The following GAN variants were observed in gnomAD, a reference collection of about 807,000 sequenced individuals.
GAN encodes the protein epididymis secretory sperm binding protein.
Under a neutral mutation model 71.3 loss-of-function variants are expected in GAN, and 48 were observed. The ratio of observed to expected loss-of-function variants is 0.67; its 90% CI spans 0.53 to 0.86. GAN has a LOEUF of 0.86. GAN is among the 40% of genes least tolerant of loss of function. The pLI is 0.00. For synonymous variants in GAN, 386 were observed against 276.8 expected, an observed-to-expected ratio of 1.39 and a Z score of -3.92; for missense variants, 928 against 770.1, an observed-to-expected ratio of 1.21 and a Z score of -2.43.
chr16:81,354,385 T>C lies in GAN; in HGVS notation c.283-20T>C, dbSNP rs371984923. On this transcript the variant is annotated intron_variant, in intron 2 of 10. Transcript: ENST00000648994. ...TAAATGTACACATTCAAATATAAGA[T>C]AATTATGCTACTTTTTTAGATCAGG... is the stretch of plus-strand genomic sequence containing the variant. 7.6e-4 allele frequency: 1,130 copies of C among 1,488,362 alleles called. No homozygotes were observed. Among genetic ancestry groups the C allele is most frequent in the Non-Finnish European group, 8.0e-4 (847 of 1,065,316 alleles). The allele number at this position is 1,488,362 out of a possible 1,614,324, so 92.2% of individuals were successfully genotyped here. A position where few individuals can be genotyped will look rare whatever the true frequency, so the allele number is the denominator to read the frequency against.
chr16:81,316,913 C>T (rs1909062259), intron 1 of GAN, among the ~76,000 whole-genome samples: 1 of 152,222 alleles, frequency 6.6e-6, no homozygotes, highest in African/African-American at 2.4e-5. Flanking sequence ...GGCTAGAGTG[C>T]AGTGGCGTGA....
intron 1 of GAN, among the ~76,000 whole-genome samples, chr16:81,332,069 G>A (rs1402786904): frequency 6.6e-6 from 1 of 151,780 alleles, no homozygotes; most frequent in African/African-American, 2.4e-5. Context: ...GCTGAGGCAG[G>A]AGAATCGCTT....
chr16:81,334,672 G>C (rs982346670), intron 1 of GAN, among the ~76,000 whole-genome samples: 1 of 152,084 alleles, frequency 6.6e-6, no homozygotes, highest in African/African-American at 2.4e-5. Flanking sequence ...GCACACCCTG[G>C]GGCCGATATG....
chr16:81,315,857 G>A (rs1223385176), intron 1 of GAN, among the ~76,000 whole-genome samples: 1 of 152,258 alleles, frequency 6.6e-6, no homozygotes, highest in African/African-American at 2.4e-5. Context: ...CCCTCTCGAT[G>A]TTCTCCTTGG....
chr16:81,322,602 C>G (rs1021085090), intron 1 of GAN, among the ~76,000 whole-genome samples: 3 of 152,174 alleles, frequency 2.0e-5, no homozygotes, highest in African/African-American at 7.2e-5. Flanking sequence ...TTGTGGTTCT[C>G]TCAACTACAA....
At chr16:81,331,587 A>G (rs1411768568) in intron 1 of GAN, among the ~76,000 whole-genome samples, 1 of 152,154 alleles carries the variant, frequency 6.6e-6, no homozygotes, top group Non-Finnish European at 1.5e-5. Flanking sequence ...CATTTCCCTC[A>G]AGGCAAAGTC....
intron 1 of GAN, among the ~76,000 whole-genome samples, chr16:81,346,778 C>G (rs1254803470): frequency 6.6e-6 from 1 of 152,178 alleles, no homozygotes; most frequent in African/African-American, 2.4e-5. Context: ...CAGCTGTGCA[C>G]TGTGGGAGCC....
At chr16:81,351,763 C>T in intron 2 of GAN, 66 bp downstream of exon 2, 3 of 800,164 alleles carry the variant, frequency 3.7e-6, no homozygotes, top group South Asian at 1.3e-5. Flanking sequence ...TGAGGGTCTC[C>T]TTTCATCCAT....
chr16:81,364,675 C>T (rs191020117), intron 7 of GAN, among the ~76,000 whole-genome samples: 19 of 152,218 alleles, frequency 1.2e-4, no homozygotes, highest in East Asian at 7.7e-4. Flanking sequence ...GGCAACTGAA[C>T]GAGACCCTGT....
chr16:81,346,308 T>C lies in GAN; in HGVS notation c.168-5275T>C, dbSNP rs149183136. Among the ~76,000 whole-genome samples, 659 of 152,278 alleles carry C rather than the reference T, an allele frequency of 4.3e-3. 2 individuals are homozygous for C. The highest frequency in any genetic ancestry group is 7.4e-3 in the Non-Finnish European group (506 of 68,010). On this transcript the variant is annotated intron_variant, in intron 1 of 10. Coordinates refer to ENST00000648994, the MANE Select transcript of GAN (RefSeq NM_022041.4). ...CATCTGCTACCCCAGAGCTGACTTA[T>C]TAGGACACACCCATGGCTCACTGCA...
At chr16:81,323,484 A>T (rs975603378) in intron 1 of GAN, among the ~76,000 whole-genome samples, 1 of 152,222 alleles carries the variant, frequency 6.6e-6, no homozygotes, top group African/African-American at 2.4e-5. Flanking sequence ...TCCTTAAGAA[A>T]TGTCATCACT....
chr16:81,359,109 G>T (rs1055877755), intron 5 of GAN, among the ~76,000 whole-genome samples: 5 of 152,254 alleles, frequency 3.3e-5, no homozygotes, highest in Middle Eastern at 3.4e-3. Flanking sequence ...ATTAGTTATT[G>T]TCAGTAGTGA....
At position 81,348,651 on chromosome 16, in the gene GAN, G is replaced by A. The variant is rs1046826636; in HGVS notation, c.168-2932G>A. Among the ~76,000 whole-genome samples the A allele has an allele frequency of 3.3e-5, 5 of 152,188 alleles. No homozygotes were observed. In the South Asian group the frequency reaches 6.2e-4, roughly 19 times the overall value. ...TCTGTTTAGCCCAGAGTAATACTAC[G>A]TTTTCTGTGTATGATGTGACATGAG... On this transcript the variant is annotated intron_variant, in intron 1 of 10. Coordinates refer to ENST00000648994, the MANE Select transcript of GAN (RefSeq NM_022041.4).
chr16:81,353,401 AAG>A (rs1200868064), intron 2 of GAN, among the ~76,000 whole-genome samples: 17 of 151,870 alleles, frequency 1.1e-4, no homozygotes, highest in African/African-American at 4.1e-4. Flanking sequence ...CCTATATTTG[AAG>A]AGTCTACAGC....
intron 1 of GAN, among the ~76,000 whole-genome samples, chr16:81,332,670 C>T (rs1240650321): frequency 1.3e-5 from 2 of 152,210 alleles, no homozygotes; most frequent in African/African-American, 4.8e-5. Flanking sequence ...TGCCATGTCT[C>T]CTTAGTCTCC....
intron 3 of GAN, among the ~76,000 whole-genome samples, chr16:81,355,030 G>T (rs1910439372): frequency 6.6e-6 from 1 of 152,186 alleles, no homozygotes; most frequent in South Asian, 2.1e-4. Context: ...TGCATTTCAA[G>T]CTTAAGCTGG....
At chr16:81,357,347 A>G (rs986181935) in intron 4 of GAN, among the ~76,000 whole-genome samples, 1 of 152,164 alleles carries the variant, frequency 6.6e-6, no homozygotes. Flanking sequence ...ATGAGTGAGA[A>G]TATGCGGTGT....
intron 1 of GAN, among the ~76,000 whole-genome samples, chr16:81,321,706 G>C (rs1322881423): frequency 1.3e-5 from 2 of 152,196 alleles, no homozygotes; most frequent in Admixed American, 1.3e-4. Context: ...GTTCTTCACA[G>C]GGTTGCATCA....
In GAN at chr16:81,356,798, A is replaced by T. The variant is rs1367661696; in HGVS notation, c.647A>T (p.Asp216Val). The T allele has an allele frequency of 6.2e-7, 1 of 1,611,452 alleles. No homozygotes were observed. The highest frequency in any genetic ancestry group is 8.5e-7 in the Non-Finnish European group (1 of 1,177,512). ...CCTCTTCTGCAGGTCCACATGAAGG[A>T]TGTTATGTCAGCTCTGTGGGTTTCA... ...DTEIRKVHMK[D>V]VMSALWVSGL... Residue 216 changes from aspartate (D) to valine (V), a missense_variant, in exon 4 of 11, where the codon GAT (aspartate) becomes GTT (valine). Transcript: ENST00000648994.
Sources: gnomAD v4.1 joint callset for allele counts (sites outside exome capture counted in the v4.1 genomes callset) on GRCh38, gnomAD v4.1.1 for gene constraint, MANE v1.5 for transcripts, NCBI Gene and HGNC (gene_info 2026-07-23, HGNC 2026-07-21) for gene names.